CFAP77: variants seen among roughly 807,000 people sequenced by gnomAD.
CFAP77 encodes the protein cilia and flagella associated protein 77.
Under a neutral mutation model 31.1 loss-of-function variants are expected in CFAP77, and 25 were observed. The observed-to-expected ratio is 0.80, with a 90% CI of 0.59 to 1.12. CFAP77 has a LOEUF of 1.12. Ranked by LOEUF, CFAP77 falls within the 50% of genes most tolerant of loss-of-function variation. The pLI, the probability that CFAP77 is intolerant of heterozygous loss-of-function variation, is 0.00. For missense variants in CFAP77, 377 were observed against 397.3 expected (o/e 0.95, Z 0.44); for synonymous variants, 151 against 159.9 (o/e 0.94, Z 0.42).
At position 132,511,646 on chromosome 9, in the gene CFAP77, C is replaced by T. The variant is rs974293972; in HGVS notation, c.524+12046C>T. 6.6e-6 allele frequency among the ~76,000 whole-genome samples: 1 copy of T among 152,250 alleles called. No homozygotes were observed. Among genetic ancestry groups the T allele is most frequent in the South Asian group, 2.1e-4 (1 of 4,834 alleles). ...AGCACATGAGACGGCCAACTCTTTC[C>T]CGGGCACGACTCTTGCAGGGCACTG... On this transcript the variant is annotated intron_variant, in intron 3 of 5. Coordinates refer to ENST00000393216, the MANE Select transcript of CFAP77 (RefSeq NM_001282957.2). This position sits in a 1 kb window ranked among gnomAD's most constrained non-coding sequence, Gnocchi z 5.8.
intron 3 of CFAP77, among the ~76,000 whole-genome samples, chr9:132,531,270 C>T (rs1852442669): frequency 6.6e-6 from 1 of 152,192 alleles, no homozygotes; most frequent in Admixed American, 6.5e-5. Flanking sequence ...CAGCACTGTG[C>T]CAGTTCACAC....
chr9:132,572,624 A>T lies in CFAP77; in HGVS notation c.*114A>T. ...CCCATTTTTATGCAGGTTCTGCTTCAAGGAGCTCAGATTCAAGTCTTAGGC... is the reference window on the plus strand; with the variant it reads ...CCCATTTTTATGCAGGTTCTGCTTCTAGGAGCTCAGATTCAAGTCTTAGGC... On this transcript the variant is annotated 3_prime_UTR_variant, in exon 6 of 6. Transcript: ENST00000393216. 9.1e-7 allele frequency: 1 copy of T among 1,095,272 alleles called. No homozygotes were observed. Among genetic ancestry groups the T allele is most frequent in the Non-Finnish European group, 1.3e-6 (1 of 779,928 alleles). 67.8% of individuals were successfully genotyped at this position (1,095,272 alleles called of 1,614,324 possible).
intron 5 of CFAP77, among the ~76,000 whole-genome samples, chr9:132,546,568 C>A (rs1852734571): frequency 6.6e-6 from 1 of 152,254 alleles, no homozygotes. Context: ...ACACCGCCAG[C>A]CACGAGGGGG....
At chr9:132,493,200 TG>T (rs552343396) in intron 1 of CFAP77, among the ~76,000 whole-genome samples, 123 of 152,228 alleles carry the variant, frequency 8.1e-4, no homozygotes, top group African/African-American at 2.9e-3. Context: ...GAGGGGATGA[TG>T]GGGCTTTTCT....
At chr9:132,413,444 A>T (rs1303832842) in intron 1 of CFAP77, among the ~76,000 whole-genome samples, 1 of 152,236 alleles carries the variant, frequency 6.6e-6, no homozygotes, top group East Asian at 1.9e-4. Context: ...ATTTTCCATT[A>T]GAAAGGGTTT....
At chr9:132,548,104 G>A (rs1397742802) in intron 5 of CFAP77, among the ~76,000 whole-genome samples, 3 of 152,156 alleles carry the variant, frequency 2.0e-5, no homozygotes, top group African/African-American at 7.2e-5. Flanking sequence ...TGAAAACCAC[G>A]GCTTTGATCT....
chr9:132,509,693 C>T (rs776598694), intron 3 of CFAP77, among the ~76,000 whole-genome samples: 8 of 152,118 alleles, frequency 5.3e-5, no homozygotes, highest in Non-Finnish European at 7.4e-5. Flanking sequence ...CACTTGAACC[C>T]GGGAGGTCGA....
In CFAP77 at chr9:132,480,210, G is replaced by C. The variant is rs1851422435; in HGVS notation, c.196-18485G>C. Among the ~76,000 whole-genome samples, 1 of 152,186 alleles carries C rather than the reference G, an allele frequency of 6.6e-6. No individual in the cohort carries two copies. The highest frequency in any genetic ancestry group is 2.4e-5 in the African/African-American group (1 of 41,440). On this transcript the variant is annotated intron_variant, in intron 1 of 5. Coordinates refer to ENST00000393216, the MANE Select transcript of CFAP77 (RefSeq NM_001282957.2). The surrounding 1 kb of genome is among the most constrained non-coding windows in gnomAD (Gnocchi z 5.8). ...AGACTCCCTCTTGCTCCTGGTCCCT[G>C]CCCACCTGCTAGTCATGAGGTGGGA...
intron 1 of CFAP77, among the ~76,000 whole-genome samples, chr9:132,426,374 A>G (rs1850311903): frequency 6.6e-6 from 1 of 152,168 alleles, no homozygotes; most frequent in Non-Finnish European, 1.5e-5. Context: ...AGTCTAATAC[A>G]TTTTTTAAAA....
In CFAP77 at chr9:132,453,395, A is replaced by T. The variant is rs568182379; in HGVS notation, c.195+42929A>T. Among the ~76,000 whole-genome samples the T allele has an allele frequency of 1.9e-4, 28 of 149,916 alleles. 1 individual carries two copies. The highest frequency in any genetic ancestry group is 7.0e-4 in the African/African-American group (28 of 39,762). ...AAAAAAATTAGCTGGGCAAGACGGC[A>T]TGCGCCTGTAATCCCAGTTACTTGG... is the stretch of plus-strand genomic sequence containing the variant. On this transcript the variant is annotated intron_variant, in intron 1 of 5. Coordinates refer to ENST00000393216, the MANE Select transcript of CFAP77 (RefSeq NM_001282957.2).
chr9:132,554,293 G>A lies in CFAP77; in HGVS notation c.732+11246G>A, dbSNP rs1409254124. Among the ~76,000 whole-genome samples, 1 of 152,184 alleles carries A rather than the reference G, an allele frequency of 6.6e-6. No individual in the cohort carries two copies. Among genetic ancestry groups the A allele is most frequent in the Non-Finnish European group, 1.5e-5 (1 of 68,038 alleles). Reference sequence around the variant, plus strand: ...TAGAATCTGTTTAAACCAGGGGCCTGAGAGTTGCTACACTTTTCTTCAGAC... The same window carrying A: ...TAGAATCTGTTTAAACCAGGGGCCTAAGAGTTGCTACACTTTTCTTCAGAC... On this transcript the variant is annotated intron_variant, in intron 5 of 5. Coordinates refer to ENST00000393216, the MANE Select transcript of CFAP77 (RefSeq NM_001282957.2). The surrounding 1 kb of genome is among the most constrained non-coding windows in gnomAD (Gnocchi z 4.1).
intron 1 of CFAP77, among the ~76,000 whole-genome samples, chr9:132,473,166 AG>A (rs1381250314): frequency 6.6e-6 from 1 of 152,158 alleles, no homozygotes; most frequent in Non-Finnish European, 1.5e-5. Flanking sequence ...TAACAGAGTG[AG>A]AACTCGTTCA....
At chr9:132,414,725 G>A (rs1002472832) in intron 1 of CFAP77, among the ~76,000 whole-genome samples, 2 of 152,044 alleles carry the variant, frequency 1.3e-5, no homozygotes, top group African/African-American at 4.8e-5. Flanking sequence ...GCTCCATTCC[G>A]CCCTCCTCGG....
At chr9:132,427,206 T>C (rs1850332876) in intron 1 of CFAP77, among the ~76,000 whole-genome samples, 5 of 152,206 alleles carry the variant, frequency 3.3e-5, no homozygotes, top group Admixed American at 3.3e-4. Flanking sequence ...CTCTCCTCTA[T>C]CTGGGTGAAG....
intron 1 of CFAP77, among the ~76,000 whole-genome samples, chr9:132,483,363 A>G (rs1309331053): frequency 1.3e-5 from 2 of 152,160 alleles, no homozygotes; most frequent in African/African-American, 2.4e-5. Flanking sequence ...TACATAAAGC[A>G]TATATTAGAG....
intron 3 of CFAP77, among the ~76,000 whole-genome samples, chr9:132,508,935 C>T (rs572451580): frequency 2.5e-4 from 38 of 152,308 alleles, no homozygotes; most frequent in Non-Finnish European, 3.8e-4. Context: ...ATCCACAGGC[C>T]GCATGCTTCC....
intron 5 of CFAP77, among the ~76,000 whole-genome samples, chr9:132,568,647 C>A (rs531257939): frequency 2.3e-4 from 35 of 151,682 alleles, no homozygotes; most frequent in African/African-American, 8.5e-4. Context: ...GGGTTCCCAC[C>A]AAAAAAATCT....
chr9:132,516,060 G>A (rs1852141606), intron 3 of CFAP77, among the ~76,000 whole-genome samples: 1 of 152,190 alleles, frequency 6.6e-6, no homozygotes, highest in South Asian at 2.1e-4. Context: ...GGGGACTGCA[G>A]CAAACTGGGG....
chr9:132,549,049 A>G (rs1230597233), intron 5 of CFAP77, among the ~76,000 whole-genome samples: 1 of 152,150 alleles, frequency 6.6e-6, no homozygotes, highest in East Asian at 1.9e-4. Context: ...TGACACCCAG[A>G]GATGCAGCTG....
Sources: gnomAD v4.1 joint callset for allele counts (sites outside exome capture counted in the v4.1 genomes callset) on GRCh38, gnomAD v4.1.1 for gene constraint, Gnocchi (gnomAD v3.1) non-coding constraint, MANE v1.5 for transcripts, NCBI Gene and HGNC (gene_info 2026-07-23, HGNC 2026-07-21) for gene names.